The following ARHGAP12 variants were observed in gnomAD, a reference collection of about 807,000 sequenced individuals.
The protein encoded by ARHGAP12 is Rho GTPase activating protein 12.
Under a neutral mutation model 108.6 loss-of-function variants are expected in ARHGAP12, and 64 were observed. The observed-to-expected ratio is 0.59, with a 90% CI of 0.48 to 0.73. ARHGAP12 has a LOEUF of 0.73. ARHGAP12 is among the 30% of genes least tolerant of loss of function. The pLI is 0.00. For synonymous variants in ARHGAP12, 312 were observed against 337.2 expected, an observed-to-expected ratio of 0.93 and a Z score of 0.82; for missense variants, 940 against 1,005.9, an observed-to-expected ratio of 0.93 and a Z score of 0.89.
intron 3 of ARHGAP12, among the ~76,000 whole-genome samples, chr10:31,878,373 C>T (rs2132356150): frequency 6.6e-6 from 1 of 152,290 alleles, no homozygotes; most frequent in South Asian, 2.1e-4. Flanking sequence ...CACACTAAAA[C>T]TCCTAAACCT....
chr10:31,837,098 G>C (rs1327062528), intron 9 of ARHGAP12, among the ~76,000 whole-genome samples: 2 of 152,174 alleles, frequency 1.3e-5, no homozygotes, highest in Non-Finnish European at 2.9e-5. Flanking sequence ...CCTTGTAACT[G>C]CATGTGCAAC....
At chr10:31,861,863 A>C (rs1332652643) in intron 3 of ARHGAP12, among the ~76,000 whole-genome samples, 2 of 152,220 alleles carry the variant, frequency 1.3e-5, no homozygotes, top group Non-Finnish European at 2.9e-5. Flanking sequence ...CCAAATCCAA[A>C]GTATGCATAA....
At chr10:31,885,278 C>T (rs961725946) in intron 3 of ARHGAP12, among the ~76,000 whole-genome samples, 3 of 152,114 alleles carry the variant, frequency 2.0e-5, no homozygotes, top group Non-Finnish European at 4.4e-5. Context: ...AACCTGGGAA[C>T]AGGAAACTAT....
At chr10:31,817,926 T>G in intron 12 of ARHGAP12, 40 bp from the exon 13 acceptor site, 1 of 1,488,672 alleles carries the variant, frequency 6.7e-7, no homozygotes, top group Non-Finnish European at 9.3e-7. Flanking sequence ...TATGGTCAGT[T>G]TGTGCTTTCA....
At chr10:31,910,084 G>A (rs570099660) in intron 2 of ARHGAP12, among the ~76,000 whole-genome samples, 3 of 152,150 alleles carry the variant, frequency 2.0e-5, no homozygotes, top group Admixed American at 6.5e-5. Context: ...GGAGCCTTCC[G>A]AGGGAGCACG....
Position 31,805,927 on chromosome 10 carries a change from T to A in ARHGAP12, c.*1731A>T, listed in dbSNP as rs1426760180. 2 of 152,160 alleles carry A rather than the reference T, an allele frequency of 1.3e-5. No homozygotes were observed. The highest frequency in any genetic ancestry group is 6.5e-5 in the Admixed American group (1 of 15,278). 9.4% of individuals were successfully genotyped at this position (152,160 alleles called of 1,614,324 possible). A position where few individuals can be genotyped will look rare whatever the true frequency, so the allele number is the denominator to read the frequency against. The stretch of plus-strand genomic sequence containing the variant: ...TTAGCTATCAAGTAGTTTGGTTTGT[T>A]ATCAATTTAACACGCTCACAACAAC... On this transcript the variant is annotated 3_prime_UTR_variant, in exon 20 of 20. Coordinates refer to ENST00000344936, the MANE Select transcript of ARHGAP12 (RefSeq NM_018287.7).
rs769686242 is a variant in ARHGAP12, at chr10:31,854,063, T to C, written c.1089+3A>G. 6.3e-7 allele frequency: 1 copy of C among 1,599,856 alleles called. No individual in the cohort carries two copies. The highest frequency in any genetic ancestry group is 1.1e-5 in the South Asian group (1 of 87,332). ...AACACTAGATGAGAAAAAAAGAATG[T>C]ACCTTTTCATTAGTATAGTCACTGG... On this transcript the variant is annotated splice_donor_region_variant and intron_variant, in intron 5 of 19. Coordinates refer to ENST00000344936, the MANE Select transcript of ARHGAP12 (RefSeq NM_018287.7).
Position 31,852,608 on chromosome 10 carries a change from AG to A in ARHGAP12, c.1090-12del. Reference sequence around the variant, plus strand: ...AACATGCTTGAGCCACTATAAAAACAGAACAGGTGTTTTTTATTAAATTTAA... The same window carrying A: ...AACATGCTTGAGCCACTATAAAAACAAACAGGTGTTTTTTATTAAATTTAA... On this transcript the variant is annotated splice_polypyrimidine_tract_variant and intron_variant, in intron 5 of 19. Coordinates refer to ENST00000344936, the MANE Select transcript of ARHGAP12 (RefSeq NM_018287.7). 6.3e-7 allele frequency: 1 copy of A among 1,589,232 alleles called. No individual in the cohort carries two copies.
At chr10:31,855,093 G>A (rs1387340441) in intron 4 of ARHGAP12, among the ~76,000 whole-genome samples, 3 of 87,410 alleles carry the variant, frequency 3.4e-5, no homozygotes, top group African/African-American at 1.3e-4. Context: ...GGGCGAAAAG[G>A]AGGGGAGGGG....
intron 3 of ARHGAP12, among the ~76,000 whole-genome samples, chr10:31,867,670 G>T (rs1245128373): frequency 6.6e-6 from 1 of 152,068 alleles, no homozygotes; most frequent in East Asian, 1.9e-4. Context: ...AAGTTTGGCA[G>T]TATGTTTCAA....
chr10:31,869,672 A>G (rs1363098329), intron 3 of ARHGAP12, among the ~76,000 whole-genome samples: 1 of 152,250 alleles, frequency 6.6e-6, no homozygotes, highest in Admixed American at 6.5e-5. Flanking sequence ...ACCTAATTTC[A>G]TATTTAAAAA....
At chr10:31,828,645 C>A (rs1835714984) in intron 10 of ARHGAP12, among the ~76,000 whole-genome samples, 1 of 151,930 alleles carries the variant, frequency 6.6e-6, no homozygotes, top group South Asian at 2.1e-4. Context: ...ACGATTATTG[C>A]CTCAAGGACT....
chr10:31,877,168 G>A (rs1269687020), intron 3 of ARHGAP12, among the ~76,000 whole-genome samples: 1 of 152,292 alleles, frequency 6.6e-6, no homozygotes, highest in East Asian at 1.9e-4. Context: ...CTTTTGGGAC[G>A]CTGTTGCGCA....
At chr10:31,843,816 G>A (rs1390782069) in intron 6 of ARHGAP12, among the ~76,000 whole-genome samples, 4 of 152,102 alleles carry the variant, frequency 2.6e-5, no homozygotes, top group Non-Finnish European at 5.9e-5. Flanking sequence ...GTTATCTTTG[G>A]TAAAATATTT....
At chr10:31,850,923 T>C (rs1203516314) in intron 6 of ARHGAP12, among the ~76,000 whole-genome samples, 5 of 152,178 alleles carry the variant, frequency 3.3e-5, no homozygotes, top group Admixed American at 3.3e-4. Context: ...TTTTATTGAA[T>C]TGTGTTTCAT....
Position 31,851,977 on chromosome 10 carries a change from C to G in ARHGAP12, c.1170+540G>C, listed in dbSNP as rs376849926. On this transcript the variant is annotated intron_variant, in intron 6 of 19. Coordinates refer to ENST00000344936, the MANE Select transcript of ARHGAP12 (RefSeq NM_018287.7). ...ACCAATAGTGATATGCATATGGCCA[C>G]TTTGAAACCTACCACCTTAGATAAA... Among the ~76,000 whole-genome samples, 10 of 152,248 alleles carry G rather than the reference C, an allele frequency of 6.6e-5. No homozygotes were observed. The East Asian group carries it at 1.5e-3, about 23-fold the overall frequency.
intron 3 of ARHGAP12, among the ~76,000 whole-genome samples, chr10:31,888,414 A>C (rs1221904154): frequency 1.3e-5 from 2 of 152,228 alleles, no homozygotes; most frequent in African/African-American, 2.4e-5. Context: ...AAGAAAAAAT[A>C]GATACTCTAA....
At position 31,881,229 on chromosome 10, in the gene ARHGAP12, C is replaced by T. The variant is rs1837943221; in HGVS notation, c.685-19571G>A. Among the ~76,000 whole-genome samples the T allele has an allele frequency of 2.0e-5, 3 of 151,542 alleles. No individual in the cohort carries two copies. The South Asian group carries it at 6.2e-4, about 32-fold the overall frequency. On this transcript the variant is annotated intron_variant, in intron 3 of 19. Coordinates refer to ENST00000344936, the MANE Select transcript of ARHGAP12 (RefSeq NM_018287.7). ...TTAAAAGTGACAAAGGACTAACCAT[C>T]AAATATAATATACATGTAATGGGCA... is the stretch of plus-strand genomic sequence containing the variant.
At chr10:31,905,819 G>A (rs1396586733) in intron 3 of ARHGAP12, among the ~76,000 whole-genome samples, 2 of 143,296 alleles carry the variant, frequency 1.4e-5, no homozygotes, top group Non-Finnish European at 2.9e-5. Context: ...TGATACAGGT[G>A]TATTTATAGA....
Sources: allele counts gnomAD v4.1 joint callset (sites outside exome capture counted in the v4.1 genomes callset), GRCh38; gene constraint gnomAD v4.1.1; transcripts MANE v1.5; gene names NCBI Gene and HGNC (gene_info 2026-07-23, HGNC 2026-07-21).